The following SAMD9 variants were observed in gnomAD, a reference collection of about 807,000 sequenced individuals.
The protein encoded by SAMD9 is sterile alpha motif domain containing 9, also known as sterile alpha motif domain-containing protein 9.
In SAMD9, 3 loss-of-function variants were observed where a neutral mutation model predicts 1.5. The ratio of observed to expected loss-of-function variants is 2.05; its 90% confidence interval spans 0.93 to 5.29. The LOEUF is 5.29. SAMD9 is among the 30% of genes most tolerant of loss of function. The pLI is 0.02. For synonymous variants in SAMD9, 635 were observed against 631.9 expected, an observed-to-expected ratio of 1.00 and a Z score of -0.07; for missense variants, 1,597 against 1,820.8, an observed-to-expected ratio of 0.88 and a Z score of 2.24.
Position 93,102,888 on chromosome 7 carries a change from T to C in SAMD9, c.3210A>G (p.Val1070=). The change falls in exon 3 of 3, where the codon GTA becomes GTG. Residue 1070 remains valine, a synonymous_variant. Coordinates refer to ENST00000379958, the MANE Select transcript of SAMD9 (RefSeq NM_017654.4). The part of the protein sequence containing the change: ...KDEGNEAVEA[V]LLESIHRFNP... ...TGAACCGATGGATACTTTCAAGCAA[T>C]ACAGCTTCAACTGCTTCATTTCCTT... 1 of 1,613,908 alleles carries C rather than the reference T, an allele frequency of 6.2e-7. No homozygotes were observed. Among genetic ancestry groups the C allele is most frequent in the Non-Finnish European group, 8.5e-7 (1 of 1,179,830 alleles).
chr7:93,112,812 A>G (rs1298070875), intron 2 of SAMD9, among the ~76,000 whole-genome samples: 1 of 152,234 alleles, frequency 6.6e-6, no homozygotes, highest in East Asian at 1.9e-4. Flanking sequence ...GAGGACACAA[A>G]CAAATGAGAG....
Position 93,101,713 on chromosome 7 carries a change from T to C in SAMD9, c.4385A>G (p.Asn1462Ser), listed in dbSNP as rs1302370214. 4 of 1,613,760 alleles carry C rather than the reference T, an allele frequency of 2.5e-6. No individual in the cohort carries two copies. Among genetic ancestry groups the C allele is most frequent in the Non-Finnish European group, 3.4e-6 (4 of 1,179,746 alleles). The stretch of plus-strand genomic sequence containing the variant: ...ATGTTTATATTGCCCCTTGAAAGAA[T>C]TTTTTAGTGCTTGAGCATACTCTTT... ...QMKEYAQALKNSFKGQYKHMH... is the reference protein window; with the variant it reads ...QMKEYAQALKSSFKGQYKHMH... The change falls in exon 3 of 3, where the codon AAT (asparagine) becomes AGT (serine). Residue 1462 changes from asparagine to serine, a missense_variant. Physicochemically the swap from Asn to Ser is conservative, Grantham distance 46. Transcript: ENST00000379958.
rs759667713 is a variant in SAMD9 at position 93,104,902 on chromosome 7, G to C, written c.1196C>G (p.Thr399Arg). Residue 399 changes from threonine (T) to arginine (R), a missense_variant, in exon 3 of 3, where the codon ACA (threonine) becomes AGA (arginine). This residue lies in a region of SAMD9 where 358 missense variants were observed against 460.4 expected (regional missense o/e 0.78). Transcript: ENST00000379958. ...REGPKLVKLL[T>R]GNQDLLDNSY... is the part of the protein sequence containing the mutation. ...ATTATCTAACAAATCTTGATTTCCT[G>C]TCAATAATTTAACCAACTTTGGTCC... is the stretch of plus-strand genomic sequence containing the variant. 1.2e-6 allele frequency: 2 copies of C among 1,612,622 alleles called. No homozygotes were observed. Among genetic ancestry groups the C allele is most frequent in the Non-Finnish European group, 1.7e-6 (2 of 1,179,412 alleles).
intron 2 of SAMD9, among the ~76,000 whole-genome samples, chr7:93,114,583 A>G (rs1312888195): frequency 1.3e-5 from 2 of 152,302 alleles, no homozygotes; most frequent in African/African-American, 2.4e-5. Context: ...TATAAAGTGG[A>G]AAACAAAATG....
rs771019191 is a variant in SAMD9 at position 93,105,978 on chromosome 7, G to C, written c.120C>G (p.Asp40Glu). The C allele has an allele frequency of 6.3e-7, 1 of 1,597,048 alleles. No individual in the cohort carries two copies. Among genetic ancestry groups the C allele is most frequent in the South Asian group, 1.1e-5 (1 of 87,764 alleles). ...ACCACTTCAAGACTGCTCCATTCAC[G>C]TCTTGTTCAGTCAAAATTTCCCTGT... The part of the protein sequence containing the change: ...QKHREILTEQ[D>E]VNGAVLKWLK... Residue 40 changes from aspartate (D) to glutamate (E), a missense_variant, in exon 3 of 3, where the codon GAC (aspartate) becomes GAG (glutamate). Physicochemically the swap from Asp to Glu is conservative, Grantham distance 45 (BLOSUM62 2). Coordinates refer to ENST00000379958, the MANE Select transcript of SAMD9 (RefSeq NM_017654.4).
rs1296909804 is a variant in SAMD9, at chr7:93,101,232, G to C, written c.*96C>G. On this transcript the variant is annotated 3_prime_UTR_variant, in exon 3 of 3. Coordinates refer to ENST00000379958, the MANE Select transcript of SAMD9 (RefSeq NM_017654.4). ...GTACAGATCTGAAGAGCTAGAGGCT[G>C]TATCTATAACCTTGCCGGTTTAAAG... The C allele has an allele frequency of 5.6e-6, 5 of 899,458 alleles. No homozygotes were observed. The East Asian group carries it at 1.2e-4, about 22-fold the overall frequency. The allele number at this position is 899,458 out of a possible 1,614,324, so 55.7% of individuals were successfully genotyped here.
At position 93,104,548 on chromosome 7, in the gene SAMD9, C is replaced by G; in HGVS notation, c.1550G>C (p.Arg517Thr). The G allele has an allele frequency of 6.2e-7, 1 of 1,614,040 alleles. No individual in the cohort carries two copies. The highest frequency in any genetic ancestry group is 8.5e-7 in the Non-Finnish European group (1 of 1,179,926). The change falls in exon 3 of 3, where the codon AGA (arginine) becomes ACA (threonine). Residue 517 changes from arginine (R) to threonine (T), a missense_variant. Transcript: ENST00000379958. Reference sequence around the variant, plus strand: ...AATCAGTTTCCTGACATCAGAAGCTCTTTCTCTTTGCCAGGAACTTGGATC... The same window carrying G: ...AATCAGTTTCCTGACATCAGAAGCTGTTTCTCTTTGCCAGGAACTTGGATC... ...PFDPSSWQRERASDVRKLISF... is the reference protein window; with the variant it reads ...PFDPSSWQRETASDVRKLISF...
chr7:93,113,119 G>T (rs985452067), intron 2 of SAMD9, among the ~76,000 whole-genome samples: 7 of 152,080 alleles, frequency 4.6e-5, no homozygotes, highest in African/African-American at 1.5e-4. Flanking sequence ...TAGACCAATG[G>T]AACAGAACAG....
chr7:93,101,659 T>C lies in SAMD9; in HGVS notation c.4439A>G (p.Tyr1480Cys), dbSNP rs1426658202. Residue 1480 changes from tyrosine (Y) to cysteine (C), a missense_variant, in exon 3 of 3, where the codon TAT becomes TGT. Around this residue, in one of 6 missense-constraint regions of SAMD9, gnomAD observed 682 missense variants for 810.0 expected, o/e 0.84. Transcript: ENST00000379958. ...TCTTTTACCTTTTCCAAGAAAGAAA[T>C]ATGCAATTGGTTGCTTTGTACGATG... ...HMHRTKQPIA[Y>C]FFLGKGKRLE... The C allele has an allele frequency of 1.2e-6, 2 of 1,613,760 alleles. No homozygotes were observed. Among genetic ancestry groups the C allele is most frequent in the East Asian group, 4.5e-5 (2 of 44,882 alleles).
intron 1 of SAMD9, 133 bp from the exon 2 acceptor site, chr7:93,115,028 T>G (rs549356882): frequency 6.6e-6 from 1 of 152,240 alleles, no homozygotes; most frequent in Non-Finnish European, 1.5e-5. Context: ...CATTTGTTGA[T>G]TTGGGGTTGG....
At position 93,104,988 on chromosome 7, in the gene SAMD9, T is replaced by A; in HGVS notation, c.1110A>T (p.Ala370=). The A allele has an allele frequency of 6.2e-7, 1 of 1,613,668 alleles. No individual in the cohort carries two copies. Among genetic ancestry groups the A allele is most frequent in the Non-Finnish European group, 8.5e-7 (1 of 1,179,930 alleles). Reference sequence around the variant, plus strand: ...TTTCTTCTGCTGCTTTTCTGGACTCTGCCAGTGTTTTAAAATCTGCTTTAA... The same window carrying A: ...TTTCTTCTGCTGCTTTTCTGGACTCAGCCAGTGTTTTAAAATCTGCTTTAA... ...RAFKADFKTL[A]ESRKAAEEKF... Residue 370 remains alanine, a synonymous_variant, in exon 3 of 3, where the codon GCA becomes GCT. Transcript: ENST00000379958.
In SAMD9 at chr7:93,105,380, T is replaced by C; in HGVS notation, c.718A>G (p.Lys240Glu). 3 of 1,614,072 alleles carry C rather than the reference T, an allele frequency of 1.9e-6. No individual in the cohort carries two copies. The highest frequency in any genetic ancestry group is 2.5e-6 in the Non-Finnish European group (3 of 1,179,994). Reference protein sequence around the residue: ...RTNGTIHFGVKDKPHGKIVGI... With the variant: ...RTNGTIHFGVEDKPHGKIVGI... ...ACAATTTTCCCATGGGGTTTGTCTTTGACTCCAAAATGAATAGTGCCATTG... is the reference window on the plus strand; with the variant it reads ...ACAATTTTCCCATGGGGTTTGTCTTCGACTCCAAAATGAATAGTGCCATTG... Residue 240 changes from lysine to glutamate, a missense_variant, in exon 3 of 3, where the codon AAA becomes GAA. Coordinates refer to ENST00000379958, the MANE Select transcript of SAMD9 (RefSeq NM_017654.4).
Position 93,114,062 on chromosome 7 carries a change from T to A in SAMD9, c.-9+733A>T, listed in dbSNP as rs929676279. The stretch of plus-strand genomic sequence containing the variant: ...TTGGAACCAACCCAAATGTCCATCA[T>A]TGATAGACTGGATTAAGAAAATGTG... On this transcript the variant is annotated intron_variant, in intron 2 of 2. Coordinates refer to ENST00000379958, the MANE Select transcript of SAMD9 (RefSeq NM_017654.4). 3.3e-5 allele frequency among the ~76,000 whole-genome samples: 5 copies of A among 152,012 alleles called. 1 individual carries two copies. Among genetic ancestry groups the A allele is most frequent in the African/African-American group, 7.3e-5 (3 of 41,372 alleles).
At chr7:93,106,895 G>C (rs1487176683) in intron 2 of SAMD9, among the ~76,000 whole-genome samples, 1 of 152,156 alleles carries the variant, frequency 6.6e-6, no homozygotes, top group African/African-American at 2.4e-5. Context: ...TCTCAAAATT[G>C]TACAATCAGT....
At chr7:93,109,672 G>A (rs1422522983) in intron 2 of SAMD9, among the ~76,000 whole-genome samples, 12 of 152,198 alleles carry the variant, frequency 7.9e-5, no homozygotes, top group Non-Finnish European at 8.8e-5. Context: ...ACAAGCTTCA[G>A]TAGCTGATTC....
chr7:93,102,476 T>C lies in SAMD9; in HGVS notation c.3622A>G (p.Ile1208Val), dbSNP rs1411903547. Reference protein sequence around the residue: ...QGEIEVGLYTIQILQLIPFFD... With the variant: ...QGEIEVGLYTVQILQLIPFFD... ...AAAGGAATGAGCTGGAGAATTTGGA[T>C]TGTGTAAAGCCCAACTTCTATCTCT... is the stretch of plus-strand genomic sequence containing the variant. The change falls in exon 3 of 3, where the codon ATC becomes GTC. Residue 1208 changes from isoleucine (I) to valine (V), a missense_variant. By Grantham distance (29) the Ile-to-Val change is conservative. This residue lies in a region of SAMD9 where 682 missense variants were observed against 810.0 expected (regional missense o/e 0.84). Transcript: ENST00000379958. The C allele has an allele frequency of 1.9e-6, 3 of 1,613,750 alleles. No homozygotes were observed. Among genetic ancestry groups the C allele is most frequent in the Non-Finnish European group, 2.5e-6 (3 of 1,179,712 alleles).
At chr7:93,115,582 G>T (rs1010200548) in intron 1 of SAMD9, among the ~76,000 whole-genome samples, 7 of 152,164 alleles carry the variant, frequency 4.6e-5, no homozygotes, top group Non-Finnish European at 1.0e-4. Context: ...TCTTGATATG[G>T]CTAGCGGTTG....
rs1203763870 is a variant in SAMD9, at chr7:93,101,721, T to C, written c.4377A>G (p.Ala1459=). Reference sequence around the variant, plus strand: ...ATTGCCCCTTGAAAGAATTTTTTAGTGCTTGAGCATACTCTTTCATTTGTT... The same window carrying C: ...ATTGCCCCTTGAAAGAATTTTTTAGCGCTTGAGCATACTCTTTCATTTGTT... ...HSEQMKEYAQ[A]LKNSFKGQYK... The change falls in exon 3 of 3, where the codon GCA becomes GCG. Residue 1459 remains alanine (A), a synonymous_variant. Coordinates refer to ENST00000379958, the MANE Select transcript of SAMD9 (RefSeq NM_017654.4). 6.2e-7 allele frequency: 1 copy of C among 1,613,764 alleles called. No homozygotes were observed. Among genetic ancestry groups the C allele is most frequent in the East Asian group, 2.2e-5 (1 of 44,884 alleles).
At position 93,105,656 on chromosome 7, in the gene SAMD9, C is replaced by G. The variant is rs1791626585; in HGVS notation, c.442G>C (p.Asp148His). 2 of 1,613,968 alleles carry G rather than the reference C, an allele frequency of 1.2e-6. No homozygotes were observed. The highest frequency in any genetic ancestry group is 1.7e-6 in the Non-Finnish European group (2 of 1,179,986). ...LKVELIEDKI[D>H]YTKERQPSID... ...GATGGTTGCCTTTCCTTTGTATAAT[C>G]TATTTTATCTTCTATGAGCTCAACT... Residue 148 changes from aspartate to histidine, a missense_variant, in exon 3 of 3, where the codon GAT becomes CAT. Asp to His is a moderately conservative substitution (Grantham distance 81). This residue lies in a region of SAMD9 where 498 missense variants were observed against 457.4 expected (regional missense o/e 1.09). Transcript: ENST00000379958.
Sources: gnomAD v4.1 joint callset for allele counts (sites outside exome capture counted in the v4.1 genomes callset) on GRCh38, gnomAD v4.1.1 for gene constraint, gnomAD v4.1.1 regional missense constraint, MANE v1.5 for transcripts, NCBI Gene and HGNC (gene_info 2026-07-23, HGNC 2026-07-21) for gene names.